The following AKAP13 variants were observed in gnomAD, a reference collection of about 807,000 sequenced individuals.
AKAP13 encodes A-kinase anchoring protein 13.
In AKAP13, 80 loss-of-function variants were observed where a neutral mutation model predicts 264.5. That is an observed-to-expected ratio of 0.30 (90% CI 0.25 to 0.36). The LOEUF is 0.36. Ranked by LOEUF, AKAP13 falls within the 10% of genes least tolerant of loss-of-function variation. The pLI is 1.00. For missense variants in AKAP13, 3,712 were observed against 3,435.2 expected, an observed-to-expected ratio of 1.08 and a Z score of -2.01; for synonymous variants, 1,380 against 1,250.2, an observed-to-expected ratio of 1.10 and a Z score of -2.19.
At chr15:85,553,084 C>CTTCT (rs776429499) in intron 5 of AKAP13, among the ~76,000 whole-genome samples, 2 of 120,402 alleles carry the variant, frequency 1.7e-5, no homozygotes, top group African/African-American at 6.3e-5. Flanking sequence ...ATCTGTAATT[C>CTTCT]TTTTTTTTTT....
chr15:85,503,904 G>A (rs1319260123), intron 2 of AKAP13, among the ~76,000 whole-genome samples: 1 of 152,162 alleles, frequency 6.6e-6, no homozygotes, highest in Non-Finnish European at 1.5e-5. Flanking sequence ...TTTGAGGAGA[G>A]GCTCTGTGAG....
intron 3 of AKAP13, among the ~76,000 whole-genome samples, chr15:85,527,138 G>GT (rs1334050563): frequency 6.6e-6 from 1 of 151,566 alleles, no homozygotes; most frequent in Admixed American, 6.6e-5. Flanking sequence ...AAGTTTTTGT[G>GT]TTTTTTAGTA....
chr15:85,582,107 G>C lies in AKAP13; in HGVS notation c.4039G>C (p.Glu1347Gln). Reference protein sequence around the residue: ...LPVQGPEPAAEMPDVKAEDEV... With the variant: ...LPVQGPEPAAQMPDVKAEDEV... ...TGTCCAGGGGCCTGAGCCAGCAGCAGGTAAGCAAAACATAATACAAAATTA... is the reference window on the plus strand; with the variant it reads ...TGTCCAGGGGCCTGAGCCAGCAGCACGTAAGCAAAACATAATACAAAATTA... Residue 1347 changes from glutamate (E) to glutamine (Q), a missense_variant and splice_region_variant, in exon 7 of 37, where the codon GAA becomes CAA. Glu to Gln is a conservative substitution (Grantham distance 29). This residue lies in a region of AKAP13 where 2,759 missense variants were observed against 2,411.7 expected (regional missense o/e 1.14). Transcript: ENST00000394518. The C allele has an allele frequency of 1.3e-6, 2 of 1,583,848 alleles. No homozygotes were observed. Among genetic ancestry groups the C allele is most frequent in the Non-Finnish European group, 1.7e-6 (2 of 1,166,262 alleles).
chr15:85,730,386 T>A, intron 29 of AKAP13, 127 bp from the exon 30 acceptor site: 1 of 863,958 alleles, frequency 1.2e-6, no homozygotes, highest in Non-Finnish European at 1.8e-6. Flanking sequence ...GAAAAGGCAG[T>A]GTGGGTGGGG....
At chr15:85,432,053 A>G (rs932369273) in intron 1 of AKAP13, among the ~76,000 whole-genome samples, 5 of 151,860 alleles carry the variant, frequency 3.3e-5, no homozygotes, top group Admixed American at 1.3e-4. Context: ...CTGGGATTCT[A>G]TTTTTTTGGG....
intron 18 of AKAP13, 55 bp from the exon 19 acceptor site, chr15:85,710,524 T>G: frequency 6.4e-7 from 1 of 1,573,508 alleles, no homozygotes; most frequent in South Asian, 1.1e-5. Flanking sequence ...CCTACTCGGC[T>G]TCTCAGGGCT....
intron 21 of AKAP13, 144 bp downstream of exon 21, chr15:85,717,546 AGTGCT>A: frequency 1.5e-6 from 1 of 663,082 alleles, no homozygotes; most frequent in Non-Finnish European, 2.6e-6. Context: ...TAAAGTGTCC[AGTGCT>A]TTGTCATGAC....
chr15:85,695,871 A>C (rs1161810484), intron 17 of AKAP13, among the ~76,000 whole-genome samples: 1 of 152,250 alleles, frequency 6.6e-6, no homozygotes, highest in Admixed American at 6.5e-5. Flanking sequence ...CCAGGTTCTA[A>C]TAGGACTCTT....
intron 14 of AKAP13, among the ~76,000 whole-genome samples, chr15:85,678,105 G>A (rs1336179721): frequency 6.6e-6 from 1 of 152,126 alleles, no homozygotes; most frequent in African/African-American, 2.4e-5. Flanking sequence ...ACTTGGAAAA[G>A]AAAGAAATTC....
intron 2 of AKAP13, among the ~76,000 whole-genome samples, chr15:85,509,266 C>T (rs927648674): frequency 5.9e-5 from 9 of 152,152 alleles, no homozygotes; most frequent in African/African-American, 1.2e-4. Flanking sequence ...TATTTCACTA[C>T]CATGTGTGGC....
At position 85,521,513 on chromosome 15, in the gene AKAP13, C is replaced by T; in HGVS notation, c.119C>T (p.Thr40Ile). 1 of 1,614,166 alleles carries T rather than the reference C, an allele frequency of 6.2e-7. No homozygotes were observed. Residue 40 changes from threonine (T) to isoleucine (I), a missense_variant, in exon 3 of 37, where the codon ACC (threonine) becomes ATC (isoleucine). Around this residue, in one of 3 missense-constraint regions of AKAP13, gnomAD observed 2,759 missense variants for 2,411.7 expected, o/e 1.14. Transcript: ENST00000394518. ...TTTTACTTGGTATTTTTGGGTTCCA[C>T]CCTCCGTCACTGTACAAGTACTCGG... ...VVFYLVFLGS[T>I]LRHCTSTRKV...
chr15:85,601,862 A>C (rs1183790926), intron 8 of AKAP13, among the ~76,000 whole-genome samples: 1 of 150,668 alleles, frequency 6.6e-6, no homozygotes, highest in Non-Finnish European at 1.5e-5. Flanking sequence ...ATCATTATTA[A>C]AATTATATTT....
At chr15:85,502,394 A>T (rs2076060312) in intron 2 of AKAP13, among the ~76,000 whole-genome samples, 1 of 152,144 alleles carries the variant, frequency 6.6e-6, no homozygotes, top group Non-Finnish European at 1.5e-5. Flanking sequence ...CATTTAACAT[A>T]TGTAATTTAA....
chr15:85,727,165 C>T lies in AKAP13; in HGVS notation c.6922C>T (p.Pro2308Ser). The change falls in exon 28 of 37, where the codon CCA becomes TCA. Residue 2308 changes from proline to serine, a missense_variant. Physicochemically the swap from Pro to Ser is moderately conservative, Grantham distance 74 (BLOSUM62 -1). This residue lies in a region of AKAP13 where 342 missense variants were observed against 484.3 expected (regional missense o/e 0.71). Coordinates refer to ENST00000394518, the MANE Select transcript of AKAP13 (RefSeq NM_007200.5). This position sits in a 1 kb window ranked among gnomAD's most constrained non-coding sequence, Gnocchi z 5.3. ...CCTGATCAGCATGGGGATGACAGAT[C>T]CAGAGATGGTAGAAGTCCATGCCAG... is the stretch of plus-strand genomic sequence containing the variant. ...LFLISMGMTD[P>S]EMVEVHASSK... 6.2e-7 allele frequency: 1 copy of T among 1,614,130 alleles called. No homozygotes were observed. Among genetic ancestry groups the T allele is most frequent in the Non-Finnish European group, 8.5e-7 (1 of 1,180,014 alleles).
At chr15:85,736,912 CTTTTT>C (rs11407996) in intron 33 of AKAP13, among the ~76,000 whole-genome samples, 4 of 98,040 alleles carry the variant, frequency 4.1e-5, no homozygotes, top group Admixed American at 4.0e-4. Flanking sequence ...ATATCATCAT[CTTTTT>C]TTTTTTTTTT....
intron 14 of AKAP13, among the ~76,000 whole-genome samples, chr15:85,681,839 A>G (rs955206314): frequency 6.6e-6 from 1 of 152,096 alleles, no homozygotes; most frequent in South Asian, 2.1e-4. Context: ...TGCAAACTGA[A>G]GATTGATAAG....
At chr15:85,598,997 T>A (rs1287989818) in intron 8 of AKAP13, among the ~76,000 whole-genome samples, 1 of 152,228 alleles carries the variant, frequency 6.6e-6, no homozygotes, top group Non-Finnish European at 1.5e-5. Flanking sequence ...ACCCTCGTAG[T>A]CAACACAATA....
At chr15:85,567,678 A>T (rs1448576235) in intron 5 of AKAP13, among the ~76,000 whole-genome samples, 5 of 152,064 alleles carry the variant, frequency 3.3e-5, no homozygotes, top group Non-Finnish European at 1.5e-5. Context: ...CTGCTTTGTG[A>T]TGCTGTTGTT....
intron 8 of AKAP13, among the ~76,000 whole-genome samples, chr15:85,630,617 A>G (rs971706848): frequency 2.6e-5 from 4 of 152,230 alleles, no homozygotes; most frequent in African/African-American, 9.6e-5. Context: ...ACAGTTTTTA[A>G]AAAATAGAAG....
Sources: gnomAD v4.1 joint callset for allele counts (sites outside exome capture counted in the v4.1 genomes callset) on GRCh38, gnomAD v4.1.1 for gene constraint, gnomAD v4.1.1 regional missense constraint, Gnocchi (gnomAD v3.1) non-coding constraint, MANE v1.5 for transcripts, NCBI Gene and HGNC (gene_info 2026-07-23, HGNC 2026-07-21) for gene names.